CSMD1: variants seen among roughly 807,000 people sequenced by gnomAD.
CSMD1 encodes the protein CUB and Sushi multiple domains 1.
In CSMD1, 213 loss-of-function variants were observed where a neutral mutation model predicts 417.5. The observed-to-expected ratio is 0.51, with a 90% CI of 0.46 to 0.57. The LOEUF (loss-of-function observed/expected upper bound fraction) is 0.57. Among genes scored for constraint, CSMD1 ranks in the 20% least tolerant of loss-of-function variants. CSMD1 has a pLI of 0.00. For synonymous variants in CSMD1, 2,862 were observed against 1,736.8 expected, an observed-to-expected ratio of 1.65 and a Z score of -16.11; for missense variants, 6,923 against 4,529.7, an observed-to-expected ratio of 1.53 and a Z score of -15.17.
intron 49 of CSMD1, among the ~76,000 whole-genome samples, chr8:3,059,446 T>C (rs1464764875): frequency 6.6e-6 from 1 of 152,152 alleles, no homozygotes; most frequent in Non-Finnish European, 1.5e-5. Context: ...CGAGAAATGA[T>C]TGTCATGTGG....
At chr8:3,735,143 T>G (rs535558067) in intron 6 of CSMD1, among the ~76,000 whole-genome samples, 70 of 152,338 alleles carry the variant, frequency 4.6e-4, no homozygotes, top group African/African-American at 1.6e-3. Flanking sequence ...AGCATTTCCT[T>G]CAGCTGATAC....
intron 27 of CSMD1, among the ~76,000 whole-genome samples, chr8:3,225,127 G>C (rs1462912685): frequency 2.0e-5 from 3 of 152,112 alleles, no homozygotes; most frequent in Non-Finnish European, 2.9e-5. Context: ...GATGAAGGAA[G>C]ATGAAGGAAC....
chr8:3,065,307 A>G lies in CSMD1; in HGVS notation c.7475-12660T>C, dbSNP rs914442679. Among the ~76,000 whole-genome samples, 12 of 147,032 alleles carry G rather than the reference A, an allele frequency of 8.2e-5. No homozygotes were observed. In the South Asian group the frequency reaches 1.3e-3, roughly 15 times the overall value. On this transcript the variant is annotated intron_variant, in intron 49 of 69. Transcript: ENST00000635120. ...CATAGATAGATAGATAGATAGGTAGATAGATAGATAGACAGACAGACAACA... is the reference window on the plus strand; with the variant it reads ...CATAGATAGATAGATAGATAGGTAGGTAGATAGATAGACAGACAGACAACA...
At chr8:3,541,409 T>C (rs939234651) in intron 10 of CSMD1, among the ~76,000 whole-genome samples, 4 of 152,200 alleles carry the variant, frequency 2.6e-5, no homozygotes, top group East Asian at 1.9e-4. Flanking sequence ...TCAGGATGAA[T>C]AGCTAATACG....
At chr8:4,412,160 G>C (rs57348279) in intron 3 of CSMD1, among the ~76,000 whole-genome samples, 32,420 of 152,074 alleles carry the variant, frequency 0.21, 4,183 homozygotes, top group Admixed American at 0.31. Context: ...ATGTGCCTCT[G>C]ATATAGTTCG....
At position 3,967,770 on chromosome 8, in the gene CSMD1, T is replaced by G. The variant is rs1812782481; in HGVS notation, c.818+30133A>C. Reference sequence around the variant, plus strand: ...AAAGAACCTAATTTAATATTACGTGTGAACTAACTACCTTAATCTACATAT... The same window carrying G: ...AAAGAACCTAATTTAATATTACGTGGGAACTAACTACCTTAATCTACATAT... On this transcript the variant is annotated intron_variant, in intron 5 of 69. Coordinates refer to ENST00000635120, the MANE Select transcript of CSMD1 (RefSeq NM_033225.6). Among the ~76,000 whole-genome samples, 4 of 152,224 alleles carry G rather than the reference T, an allele frequency of 2.6e-5. No individual in the cohort carries two copies. In the South Asian group the frequency reaches 8.3e-4, roughly 32 times the overall value.
intron 12 of CSMD1, among the ~76,000 whole-genome samples, chr8:3,449,486 G>A (rs1201942077): frequency 6.6e-6 from 1 of 151,840 alleles, no homozygotes; most frequent in African/African-American, 2.4e-5. Flanking sequence ...TCTCTGTGGT[G>A]AAGAACAAAA....
At chr8:3,834,742 G>C (rs1010424118) in intron 5 of CSMD1, among the ~76,000 whole-genome samples, 2 of 152,042 alleles carry the variant, frequency 1.3e-5, no homozygotes, top group South Asian at 2.1e-4. Context: ...CATTCTCGGA[G>C]GTGGAGCCAA....
intron 3 of CSMD1, among the ~76,000 whole-genome samples, chr8:4,340,786 G>A (rs1292932364): frequency 6.6e-6 from 1 of 152,062 alleles, no homozygotes; most frequent in East Asian, 1.9e-4. Context: ...CATAATGGTT[G>A]CTTCTAGAGA....
At chr8:4,884,348 T>C (rs1803591567) in intron 1 of CSMD1, among the ~76,000 whole-genome samples, 1 of 152,052 alleles carries the variant, frequency 6.6e-6, no homozygotes, top group Non-Finnish European at 1.5e-5. Flanking sequence ...TCCTGATGAT[T>C]TCCTTTGAGG....
intron 2 of CSMD1, among the ~76,000 whole-genome samples, chr8:4,506,441 C>G (rs773967639): frequency 6.6e-6 from 1 of 152,130 alleles, no homozygotes; most frequent in Non-Finnish European, 1.5e-5. Flanking sequence ...GCCCAGCAAA[C>G]TTCCCACTCC....
chr8:3,743,728 T>A (rs1377445331), intron 6 of CSMD1, among the ~76,000 whole-genome samples: 1 of 152,186 alleles, frequency 6.6e-6, no homozygotes, highest in Non-Finnish European at 1.5e-5. Context: ...GCAAGATCGT[T>A]ACTCCCAGGT....
chr8:4,063,966 AAG>A (rs1482639834), intron 3 of CSMD1, among the ~76,000 whole-genome samples: 4 of 152,136 alleles, frequency 2.6e-5, no homozygotes, highest in Non-Finnish European at 4.4e-5. Flanking sequence ...ATTAAACAAA[AAG>A]AGAGTGTGTG....
At chr8:3,426,640 C>A (rs561425974) in intron 12 of CSMD1, among the ~76,000 whole-genome samples, 3 of 152,090 alleles carry the variant, frequency 2.0e-5, no homozygotes, top group African/African-American at 7.2e-5. Flanking sequence ...GGTGAGATGC[C>A]ATAATTAACT....
At chr8:3,137,629 C>T (rs1405240744) in intron 41 of CSMD1, among the ~76,000 whole-genome samples, 1 of 152,212 alleles carries the variant, frequency 6.6e-6, no homozygotes, top group Non-Finnish European at 1.5e-5. Context: ...AAAATCTAAG[C>T]ACACTCTCTT....
At chr8:4,390,725 G>C (rs189409440) in intron 3 of CSMD1, among the ~76,000 whole-genome samples, 447 of 151,882 alleles carry the variant, frequency 2.9e-3, no homozygotes, top group African/African-American at 0.01. Context: ...ATGTTAGCCA[G>C]GATGGTCTCG....
chr8:4,403,638 G>C (rs569394193), intron 3 of CSMD1, among the ~76,000 whole-genome samples: 1 of 152,042 alleles, frequency 6.6e-6, no homozygotes, highest in Non-Finnish European at 1.5e-5. Flanking sequence ...CTACTTAGTC[G>C]GTGTTTATTT....
chr8:3,405,899 A>T, intron 15 of CSMD1, 128 bp downstream of exon 15: 1 of 805,698 alleles, frequency 1.2e-6, no homozygotes, highest in Non-Finnish European at 1.9e-6. Flanking sequence ...CCTGTTGGTT[A>T]AGTGACTGTG....
chr8:2,939,578 A>AAT (rs1301625934), intron 69 of CSMD1, among the ~76,000 whole-genome samples: 6 of 152,172 alleles, frequency 3.9e-5, no homozygotes, highest in African/African-American at 1.2e-4. Context: ...AGGTAAGAAA[A>AAT]ATGTGCCACG....
Sources: allele counts gnomAD v4.1 joint callset (sites outside exome capture counted in the v4.1 genomes callset), GRCh38; gene constraint gnomAD v4.1.1; transcripts MANE v1.5; gene names NCBI Gene and HGNC (gene_info 2026-07-23, HGNC 2026-07-21).